The following KHDRBS2 variants were observed in gnomAD, a reference collection of about 807,000 sequenced individuals.
KHDRBS2 encodes KH RNA binding domain containing, signal transduction associated 2, also known as KH domain-containing, RNA-binding, signal transduction-associated protein 2.
In KHDRBS2, 26 loss-of-function variants were observed where a neutral mutation model predicts 44.3. The ratio of observed to expected loss-of-function variants is 0.59; its 90% CI spans 0.43 to 0.81. The LOEUF is 0.81. Among genes scored for constraint, KHDRBS2 ranks in the 40% least tolerant of loss-of-function variants. The pLI is 0.00. For synonymous variants in KHDRBS2, 194 were observed against 151.1 expected, an observed-to-expected ratio of 1.28 and a Z score of -2.08; for missense variants, 476 against 433.1, an observed-to-expected ratio of 1.10 and a Z score of -0.88.
At chr6:61,677,075 T>G (rs551827743), downstream of KHDRBS2, among the ~76,000 whole-genome samples, 1 of 152,062 alleles carries the variant, frequency 6.6e-6, no homozygotes, top group Admixed American at 6.6e-5. Flanking sequence ...TGTTCAACAC[T>G]AATTTTTCTG....
chr6:62,048,121 T>TACACACAC (rs58133580), intron 2 of KHDRBS2, 127 bp from the exon 3 acceptor site: 6,401 of 405,088 alleles, frequency 0.016, 107 homozygotes, highest in African/African-American at 0.054. Context: ...GCCATAAACA[T>TACACACAC]ACACACACAC....
At chr6:61,788,232 T>C (rs552396387) in intron 6 of KHDRBS2, among the ~76,000 whole-genome samples, 4 of 151,616 alleles carry the variant, frequency 2.6e-5, no homozygotes, top group South Asian at 4.1e-4. Flanking sequence ...TGTTTTAGAC[T>C]TTGGCCTATT....
intron 1 of KHDRBS2, among the ~76,000 whole-genome samples, chr6:62,212,825 C>A (rs1250539961): frequency 6.6e-6 from 1 of 151,938 alleles, no homozygotes; most frequent in African/African-American, 2.4e-5. Flanking sequence ...TCGTTTTAAA[C>A]TATACAGTTT....
chr6:62,135,026 G>A (rs1811200317), intron 2 of KHDRBS2, among the ~76,000 whole-genome samples: 1 of 152,136 alleles, frequency 6.6e-6, no homozygotes, highest in Non-Finnish European at 1.5e-5. Context: ...TGTTGGGAAG[G>A]CATGATTGAT....
chr6:62,047,230 A>G (rs1157367681), intron 3 of KHDRBS2, among the ~76,000 whole-genome samples: 2 of 151,952 alleles, frequency 1.3e-5, no homozygotes, highest in Non-Finnish European at 2.9e-5. Context: ...ACAAATTGTC[A>G]TTTCTCCCAA....
At chr6:62,120,471 C>A (rs1386967927) in intron 2 of KHDRBS2, among the ~76,000 whole-genome samples, 1 of 152,108 alleles carries the variant, frequency 6.6e-6, no homozygotes, top group Non-Finnish European at 1.5e-5. Context: ...AATTTAAAAG[C>A]AATGGGAATA....
At chr6:61,826,112 T>C (rs1790816960) in intron 6 of KHDRBS2, among the ~76,000 whole-genome samples, 1 of 152,126 alleles carries the variant, frequency 6.6e-6, no homozygotes, top group Non-Finnish European at 1.5e-5. Context: ...CCCTAAATTA[T>C]TTTAGTCCTT....
intron 4 of KHDRBS2, among the ~76,000 whole-genome samples, chr6:61,938,373 G>T (rs1350025384): frequency 6.6e-6 from 1 of 152,070 alleles, no homozygotes; most frequent in African/African-American, 2.4e-5. Flanking sequence ...CCAGTTAAAA[G>T]AAACAGGATA....
chr6:62,109,314 G>T (rs1455284899), intron 2 of KHDRBS2, among the ~76,000 whole-genome samples: 1 of 151,858 alleles, frequency 6.6e-6, no homozygotes, highest in Non-Finnish European at 1.5e-5. Context: ...TTTAAAAAAA[G>T]TACTTTCCAA....
At chr6:62,217,145 C>A (rs1231685880) in intron 1 of KHDRBS2, among the ~76,000 whole-genome samples, 2 of 151,300 alleles carry the variant, frequency 1.3e-5, no homozygotes, top group African/African-American at 2.4e-5. Context: ...GAGAATAATG[C>A]ATGTGCTTAA....
At chr6:62,232,481 A>C (rs1273295179) in intron 1 of KHDRBS2, among the ~76,000 whole-genome samples, 2 of 152,098 alleles carry the variant, frequency 1.3e-5, no homozygotes, top group Admixed American at 6.6e-5. Context: ...GTAAGTTCAA[A>C]ACAGGAAAAG....
chr6:61,732,706 TTATCA>T lies in KHDRBS2; in HGVS notation c.864_868del (p.Tyr288Ter), dbSNP rs1774682496. 5 of 1,611,118 alleles carry T rather than the reference TTATCA, an allele frequency of 3.1e-6. No individual in the cohort carries two copies. In the Admixed American group the frequency reaches 6.7e-5, roughly 21 times the overall value. The stretch of plus-strand genomic sequence containing the variant: ...CCTTTGTGTTTGGGTCGCATAGCTG[TTATCA>T]TAAGTCTCATAGGTCTGGTCATCAT... On this transcript the variant is annotated stop_gained and frameshift_variant, in exon 7 of 9. Transcript: ENST00000281156. LOFTEE classifies it high-confidence loss of function.
At chr6:62,010,885 T>C (rs1562637348) in intron 3 of KHDRBS2, among the ~76,000 whole-genome samples, 2 of 152,076 alleles carry the variant, frequency 1.3e-5, no homozygotes, top group Non-Finnish European at 2.9e-5. Flanking sequence ...CTAAAAATAA[T>C]AAAGAAAAAC....
At chr6:61,859,459 C>G (rs1583204616) in intron 6 of KHDRBS2, among the ~76,000 whole-genome samples, 1 of 151,572 alleles carries the variant, frequency 6.6e-6, no homozygotes, top group Non-Finnish European at 1.5e-5. Flanking sequence ...AGTGTCTTAT[C>G]TCCAAGTCAA....
chr6:61,649,888 G>A, the KHDRBS2 span, among the ~76,000 whole-genome samples: 1 of 152,068 alleles, frequency 6.6e-6, no homozygotes, highest in Non-Finnish European at 1.5e-5. Context: ...CAGCAACCAG[G>A]GTTATCTTTT....
chr6:62,054,083 C>T (rs368694853), intron 2 of KHDRBS2, among the ~76,000 whole-genome samples: 3 of 151,982 alleles, frequency 2.0e-5, no homozygotes, highest in Non-Finnish European at 2.9e-5. Context: ...CTCCCAATGG[C>T]GTATAGATTT....
intron 1 of KHDRBS2, among the ~76,000 whole-genome samples, chr6:62,203,679 A>G (rs1408280360): frequency 3.3e-5 from 5 of 152,172 alleles, no homozygotes; most frequent in South Asian, 2.1e-4. Context: ...TAGCTGAATC[A>G]TAAAAGACTT....
the KHDRBS2 span, among the ~76,000 whole-genome samples, chr6:61,549,233 A>G: frequency 6.6e-6 from 1 of 152,184 alleles, no homozygotes; most frequent in Non-Finnish European, 1.5e-5. Flanking sequence ...TAACAAATGG[A>G]TCAATCTAAA....
intron 4 of KHDRBS2, among the ~76,000 whole-genome samples, chr6:61,931,745 C>A (rs955923073): frequency 6.6e-6 from 1 of 152,032 alleles, no homozygotes; most frequent in African/African-American, 2.4e-5. Flanking sequence ...TACTTATATG[C>A]AGATTTTTTT....
Sources: allele counts gnomAD v4.1 joint callset (sites outside exome capture counted in the v4.1 genomes callset), GRCh38; gene constraint gnomAD v4.1.1; transcripts MANE v1.5; gene names NCBI Gene and HGNC (gene_info 2026-07-23, HGNC 2026-07-21).